The following EFHC2 variants were observed in gnomAD, a reference collection of about 807,000 sequenced individuals.
The protein encoded by EFHC2 is EF-hand domain containing 2.
Under a neutral mutation model 52.7 loss-of-function variants are expected in EFHC2, and 18 were observed. The ratio of observed to expected loss-of-function variants is 0.34; its 90% CI spans 0.24 to 0.51. The LOEUF is 0.51. Ranked by LOEUF, EFHC2 falls within the 20% of genes least tolerant of loss-of-function variation. EFHC2 has a pLI of 0.97. For missense variants in EFHC2, 513 were observed against 562.5 expected, an observed-to-expected ratio of 0.91 and a Z score of 0.89; for synonymous variants, 203 against 204.1, an observed-to-expected ratio of 0.99 and a Z score of 0.04.
At chrX:44,180,780 G>C (rs989831569) in intron 11 of EFHC2, among the ~76,000 whole-genome samples, 2 of 109,160 alleles carry the variant, frequency 1.8e-5, no homozygotes, top group Non-Finnish European at 3.8e-5. Context: ...GAAGATTATA[G>C]AAGAATAAAT....
In EFHC2 at chrX:44,234,892, T is replaced by C. The variant is rs371521496; in HGVS notation, c.1423+413A>G. 3.6e-5 allele frequency among the ~76,000 whole-genome samples: 4 copies of C among 111,901 alleles called. No homozygotes were observed. The South Asian group carries it at 1.5e-3, about 42-fold the overall frequency. On this transcript the variant is annotated intron_variant, in intron 9 of 14. Transcript: ENST00000420999. Reference sequence around the variant, plus strand: ...ATTGAATTTGTGTATCTGGGATTCTTGTCTTACAGCCAAACAAAAATGTTG... The same window carrying C: ...ATTGAATTTGTGTATCTGGGATTCTCGTCTTACAGCCAAACAAAAATGTTG...
intron 14 of EFHC2, among the ~76,000 whole-genome samples, chrX:44,163,062 G>C (rs756767730): frequency 4.5e-5 from 5 of 112,222 alleles, no homozygotes; most frequent in Non-Finnish European, 9.4e-5. Flanking sequence ...TTCAAACCCA[G>C]CTCTGTCTGA....
intron 1 of EFHC2, among the ~76,000 whole-genome samples, chrX:44,340,682 A>G (rs1453960923): frequency 8.9e-6 from 1 of 111,750 alleles, no homozygotes; most frequent in African/African-American, 3.3e-5. Flanking sequence ...TGACCAATAA[A>G]TGGTCATACA....
At chrX:44,338,817 G>C (rs138412557) in intron 1 of EFHC2, among the ~76,000 whole-genome samples, 1 of 109,176 alleles carries the variant, frequency 9.2e-6, no homozygotes, top group Non-Finnish European at 1.9e-5. Flanking sequence ...TCTTAAGGAG[G>C]ACTTTGCTTC....
At chrX:44,291,181 A>G (rs928491735) in intron 2 of EFHC2, among the ~76,000 whole-genome samples, 4 of 111,517 alleles carry the variant, frequency 3.6e-5, no homozygotes, top group Admixed American at 1.9e-4. Context: ...ACCAATGCTC[A>G]AGTTATAATC....
At chrX:44,261,754 C>CAAAAAAAA (rs769527844) in intron 3 of EFHC2, among the ~76,000 whole-genome samples, 2 of 32,484 alleles carry the variant, frequency 6.2e-5, no homozygotes, top group Admixed American at 3.7e-4. Flanking sequence ...ACTCATGGCT[C>CAAAAAAAA]AAAAAAAAAA....
chrX:44,218,344 C>T (rs771805927), intron 11 of EFHC2, among the ~76,000 whole-genome samples: 2 of 109,556 alleles, frequency 1.8e-5, no homozygotes, highest in South Asian at 3.9e-4. Context: ...TTTTAACAGT[C>T]AAAACTATAC....
chrX:44,271,210 C>A (rs755503356), intron 3 of EFHC2, among the ~76,000 whole-genome samples: 2 of 111,751 alleles, frequency 1.8e-5, no homozygotes, highest in African/African-American at 3.3e-5. Context: ...CCACACAACA[C>A]TCTCCCTGCT....
At chrX:44,187,604 T>C (rs924918096) in intron 11 of EFHC2, among the ~76,000 whole-genome samples, 2 of 111,303 alleles carry the variant, frequency 1.8e-5, no homozygotes, top group African/African-American at 6.6e-5. Flanking sequence ...TTAGGCAACA[T>C]AGCAAGACCC....
intron 1 of EFHC2, among the ~76,000 whole-genome samples, chrX:44,336,576 T>C (rs772057607): frequency 8.9e-6 from 1 of 111,904 alleles, no homozygotes; most frequent in East Asian, 2.8e-4. Context: ...ATATGGCCAG[T>C]TCAAAATTTA....
At chrX:44,168,885 G>C (rs760138079) in intron 13 of EFHC2, among the ~76,000 whole-genome samples, 1 of 110,441 alleles carries the variant, frequency 9.1e-6, no homozygotes, top group Non-Finnish European at 1.9e-5. Context: ...TAAAATGAAG[G>C]CTCAGGAGTT....
chrX:44,255,318 C>T (rs974083082), intron 4 of EFHC2, among the ~76,000 whole-genome samples: 2 of 111,629 alleles, frequency 1.8e-5, no homozygotes, highest in Non-Finnish European at 3.8e-5. Context: ...AATTAAAAGA[C>T]ACAGACTGGC....
intron 4 of EFHC2, among the ~76,000 whole-genome samples, chrX:44,257,816 C>T (rs764013217): frequency 8.9e-6 from 1 of 111,772 alleles, no homozygotes; most frequent in South Asian, 3.8e-4. Context: ...AAAAAGAGCT[C>T]GTATAGCCAA....
intron 1 of EFHC2, among the ~76,000 whole-genome samples, chrX:44,330,468 G>T (rs2038080134): frequency 8.9e-6 from 1 of 111,740 alleles, no homozygotes. Context: ...CATCTCAAAG[G>T]ACTAGTATTC....
chrX:44,193,689 T>C (rs1474698868), intron 11 of EFHC2, among the ~76,000 whole-genome samples: 2 of 111,402 alleles, frequency 1.8e-5, no homozygotes, highest in South Asian at 3.8e-4. Flanking sequence ...ATGGCATGCA[T>C]GTGTATGTGT....
At position 44,148,203 on chromosome X, in the gene EFHC2, CAT is replaced by C. The variant is rs914737475; in HGVS notation, c.*590_*591del. 9.9e-6 allele frequency: 1 copy of C among 101,384 alleles called. No homozygotes were observed. The highest frequency in any genetic ancestry group is 2.0e-5 in the Non-Finnish European group (1 of 50,291). The allele number at this position is 101,384 out of a possible 1,213,427, so 8.4% of individuals were successfully genotyped here. On this transcript the variant is annotated 3_prime_UTR_variant, in exon 15 of 15. Coordinates refer to ENST00000420999, the MANE Select transcript of EFHC2 (RefSeq NM_025184.4). ...AAGGGCATTACAAATATAAATACTGCATATGTTTCCAGTGTGTGTGCACGTGC... is the reference window on the plus strand; with the variant it reads ...AAGGGCATTACAAATATAAATACTGCATGTTTCCAGTGTGTGTGCACGTGC...
chrX:44,306,694 C>T (rs1363028633), intron 2 of EFHC2, among the ~76,000 whole-genome samples: 1 of 112,103 alleles, frequency 8.9e-6, no homozygotes, highest in Non-Finnish European at 1.9e-5. Flanking sequence ...TGATAGTCTA[C>T]TTGAGCAAGG....
At chrX:44,205,822 G>A (rs2037044586) in intron 11 of EFHC2, among the ~76,000 whole-genome samples, 1 of 111,383 alleles carries the variant, frequency 9.0e-6, no homozygotes, top group African/African-American at 3.3e-5. Flanking sequence ...ACAGATCACT[G>A]AGGCAGAAAA....
intron 13 of EFHC2, among the ~76,000 whole-genome samples, chrX:44,168,431 C>T (rs1007867623): frequency 1.8e-5 from 2 of 110,318 alleles, no homozygotes; most frequent in African/African-American, 6.6e-5. Context: ...ACTCAGGAGG[C>T]TGAGGCAGGA....
Sources: allele counts gnomAD v4.1 joint callset (sites outside exome capture counted in the v4.1 genomes callset), GRCh38; gene constraint gnomAD v4.1.1; transcripts MANE v1.5; gene names NCBI Gene and HGNC (gene_info 2026-07-23, HGNC 2026-07-21).